SCN11A: variants seen among roughly 807,000 people sequenced by gnomAD.
SCN11A encodes sodium channel protein type 11 subunit alpha.
Under a neutral mutation model 162.2 loss-of-function variants are expected in SCN11A, and 122 were observed. That is an observed-to-expected ratio of 0.75 (90% confidence interval 0.65 to 0.87). The LOEUF is 0.87. Among genes scored for constraint, SCN11A ranks in the 40% least tolerant of loss-of-function variants. The pLI is 0.00. For synonymous variants in SCN11A, 758 were observed against 751.5 expected (o/e 1.01, Z -0.14); for missense variants, 2,015 against 2,181.6 (o/e 0.92, Z 1.52).
intron 2 of SCN11A, among the ~76,000 whole-genome samples, chr3:39,031,999 A>C (rs1575366584): frequency 6.6e-6 from 1 of 152,230 alleles, no homozygotes; most frequent in Admixed American, 6.5e-5. Context: ...AACAAACAAA[A>C]AAAAACCAAA....
chr3:38,998,064 A>G (rs1306690777), intron 2 of SCN11A, among the ~76,000 whole-genome samples: 1 of 152,232 alleles, frequency 6.6e-6, no homozygotes, highest in Non-Finnish European at 1.5e-5. Context: ...CTTTGCTTTA[A>G]CAACTCCCTC....
chr3:38,990,319 G>A (rs183820893), intron 2 of SCN11A, among the ~76,000 whole-genome samples: 11 of 152,100 alleles, frequency 7.2e-5, no homozygotes, highest in Non-Finnish European at 1.6e-4. Flanking sequence ...GGCAGAGACC[G>A]AACACAGACA....
intron 14 of SCN11A, among the ~76,000 whole-genome samples, chr3:38,907,388 A>T (rs191305441): frequency 5.8e-5 from 8 of 136,840 alleles, no homozygotes; most frequent in Non-Finnish European, 1.3e-4. Context: ...ACACACACAC[A>T]CTTTGATGCC....
At chr3:38,849,256 C>CTTTTTTTT (rs1559484396) in intron 29 of SCN11A, 1 of 72,936 alleles carries the variant, frequency 1.4e-5, no homozygotes, top group African/African-American at 8.2e-5. Flanking sequence ...ATTTTCTAGC[C>CTTTTTTTT]CTTTTTTTTT....
intron 2 of SCN11A, among the ~76,000 whole-genome samples, chr3:38,968,132 C>T (rs1575341141): frequency 6.6e-6 from 1 of 152,328 alleles, no homozygotes; most frequent in Admixed American, 6.5e-5. Context: ...GTCTGTGTCT[C>T]CTTGTCTCTT....
chr3:38,975,322 C>T (rs536995356), intron 2 of SCN11A, among the ~76,000 whole-genome samples: 2 of 152,106 alleles, frequency 1.3e-5, no homozygotes, highest in South Asian at 2.1e-4. Flanking sequence ...TAGGAGGATA[C>T]AGCTAAGCAA....
chr3:38,894,862 G>A lies in SCN11A; in HGVS notation c.2506C>T (p.Leu836=). 6.2e-7 allele frequency: 1 copy of A among 1,614,216 alleles called. No individual in the cohort carries two copies. The highest frequency in any genetic ancestry group is 8.5e-7 in the Non-Finnish European group (1 of 1,180,026). The part of the protein sequence containing the change: ...EARKTKVQLA[L]DRFRRAFCFV... ...CAAAAAGCCCGGCGGAATCGATCCA[G>A]TGCTAACTGGACTTTAGTTTTCCTG... The change falls in exon 19 of 30, where the codon CTG becomes TTG. Residue 836 remains leucine (L), a synonymous_variant. Transcript: ENST00000302328.
intron 9 of SCN11A, among the ~76,000 whole-genome samples, chr3:38,923,780 C>T (rs566199299): frequency 7.8e-4 from 119 of 152,022 alleles, no homozygotes; most frequent in African/African-American, 1.9e-3. Context: ...GTTGGGAGGA[C>T]GCCTGTGAAA....
intron 18 of SCN11A, among the ~76,000 whole-genome samples, chr3:38,895,429 T>C (rs951039126): frequency 6.6e-6 from 1 of 152,222 alleles, no homozygotes; most frequent in Non-Finnish European, 1.5e-5. Flanking sequence ...TTAGGTCCTG[T>C]TGCCCTAACC....
intron 7 of SCN11A, among the ~76,000 whole-genome samples, chr3:38,934,028 G>A (rs534275644): frequency 2.2e-4 from 34 of 152,266 alleles, no homozygotes; most frequent in Admixed American, 1.2e-3. Flanking sequence ...CAGACCTCTC[G>A]GCAGAAACTC....
chr3:38,946,399 C>T (rs1272168821), intron 6 of SCN11A, among the ~76,000 whole-genome samples: 1 of 152,122 alleles, frequency 6.6e-6, no homozygotes, highest in Non-Finnish European at 1.5e-5. Context: ...CTGTGTAGGT[C>T]CAACACAACA....
intron 11 of SCN11A, among the ~76,000 whole-genome samples, chr3:38,913,495 TTTAG>T (rs1448035845): frequency 6.6e-6 from 1 of 152,182 alleles, no homozygotes; most frequent in Non-Finnish European, 1.5e-5. Flanking sequence ...AGCTCTTAAG[TTTAG>T]TTAGATCCCA....
At chr3:38,935,895 A>C (rs1353527538) in intron 7 of SCN11A, among the ~76,000 whole-genome samples, 1 of 152,254 alleles carries the variant, frequency 6.6e-6, no homozygotes, top group Non-Finnish European at 1.5e-5. Context: ...CTGATACCAA[A>C]GCCAGGCAGA....
At chr3:38,945,184 T>C (rs2066497374) in intron 7 of SCN11A, among the ~76,000 whole-genome samples, 1 of 152,218 alleles carries the variant, frequency 6.6e-6, no homozygotes, top group South Asian at 2.1e-4. Flanking sequence ...TCAAAATGGA[T>C]ACCTATAAAA....
chr3:38,903,376 C>G (rs1284954128), intron 16 of SCN11A, among the ~76,000 whole-genome samples: 1 of 152,100 alleles, frequency 6.6e-6, no homozygotes, highest in East Asian at 1.9e-4. Flanking sequence ...GGAAATTCAC[C>G]CCACCCCAGC....
rs2031786485 is a variant in SCN11A at position 39,032,517 on chromosome 3, C to T, written c.-403-14G>A. Among the ~76,000 whole-genome samples, 1 of 149,244 alleles carries T rather than the reference C, an allele frequency of 6.7e-6. No individual in the cohort carries two copies. Among genetic ancestry groups the T allele is most frequent in the Admixed American group, 6.6e-5 (1 of 15,088 alleles). Reference sequence around the variant, plus strand: ...CACTGGGACAATCTGAAAACAACAACAACAACAAAAAAAACAAGCTTTATC... The same window carrying T: ...CACTGGGACAATCTGAAAACAACAATAACAACAAAAAAAACAAGCTTTATC... On this transcript the variant is annotated splice_polypyrimidine_tract_variant and intron_variant, in intron 1 of 29. Coordinates refer to ENST00000302328, the MANE Select transcript of SCN11A (RefSeq NM_001349253.2).
In SCN11A at chr3:38,846,740, T is replaced by C; in HGVS notation, c.5330A>G (p.Asp1777Gly). The change falls in exon 30 of 30, where the codon GAC (aspartate) becomes GGC (glycine). Residue 1777 changes from aspartate (D) to glycine (G), a missense_variant. Coordinates refer to ENST00000302328, the MANE Select transcript of SCN11A (RefSeq NM_001349253.2). ...HSPLQTLCNG[D>G]LSSFGVAKGK... The stretch of plus-strand genomic sequence containing the variant: ...CTTGGCCACCCCAAAGCTAGACAAG[T>C]CTCCATTGCAAAGAGTCTGGAGTGG... 1 of 1,614,130 alleles carries C rather than the reference T, an allele frequency of 6.2e-7. No homozygotes were observed. Among genetic ancestry groups the C allele is most frequent in the Non-Finnish European group, 8.5e-7 (1 of 1,180,004 alleles).
intron 4 of SCN11A, among the ~76,000 whole-genome samples, chr3:38,951,025 C>G (rs925514177): frequency 5.3e-5 from 8 of 152,266 alleles, no homozygotes; most frequent in Non-Finnish European, 1.2e-4. Flanking sequence ...CTAGGCGCCT[C>G]CTCTGCCTGG....
At chr3:38,920,573 C>T (rs973474894) in intron 10 of SCN11A, among the ~76,000 whole-genome samples, 1 of 151,908 alleles carries the variant, frequency 6.6e-6, no homozygotes, top group Non-Finnish European at 1.5e-5. Context: ...TGCCTGTAAT[C>T]CCAGCTACTT....
Sources: allele counts gnomAD v4.1 joint callset (sites outside exome capture counted in the v4.1 genomes callset), GRCh38; gene constraint gnomAD v4.1.1; transcripts MANE v1.5; gene names NCBI Gene and HGNC (gene_info 2026-07-23, HGNC 2026-07-21).